The following HMGCL variants were observed in gnomAD, a reference collection of about 807,000 sequenced individuals.
HMGCL encodes hydroxymethylglutaryl-CoA lyase, mitochondrial.
HMGCL carries 26 observed loss-of-function variants against 37.3 expected under a neutral mutation model. That is an observed-to-expected ratio of 0.70 (90% CI 0.51 to 0.97). HMGCL has a LOEUF of 0.97. Among genes scored for constraint, HMGCL ranks in the 50% least tolerant of loss-of-function variants. The probability of loss-of-function intolerance (pLI) is 0.00; values close to 1 mark genes in which losing one functional copy is unlikely to be tolerated. For synonymous variants in HMGCL, 151 were observed against 148.0 expected (o/e 1.02, Z -0.15); for missense variants, 379 against 398.1 (o/e 0.95, Z 0.41).
intron 8 of HMGCL, 157 bp downstream of exon 8, chr1:23,804,243 T>G: frequency 8.4e-6 from 7 of 833,808 alleles, no homozygotes; most frequent in East Asian, 2.5e-5. Context: ...CCCAAAGTGC[T>G]GAGATTACAG....
chr1:23,819,401 T>C (rs150860052), intron 2 of HMGCL, among the ~76,000 whole-genome samples: 150 of 152,272 alleles, frequency 9.9e-4, no homozygotes, highest in African/African-American at 3.4e-3. Context: ...CCCATACATA[T>C]ATAAACTTTT....
intron 2 of HMGCL, among the ~76,000 whole-genome samples, chr1:23,818,051 A>G (rs1047007378): frequency 6.6e-6 from 1 of 152,190 alleles, no homozygotes; most frequent in Admixed American, 6.5e-5. Context: ...TCAAGCCACT[A>G]ATTCATCTTA....
intron 8 of HMGCL, chr1:23,804,149 C>T (rs938236563): frequency 2.0e-5 from 11 of 563,428 alleles, no homozygotes; most frequent in East Asian, 6.2e-5. Context: ...CTTGCTGTTT[C>T]ACCCAGGCTG....
intron 4 of HMGCL, 51 bp downstream of exon 4, chr1:23,816,624 A>G: frequency 9.3e-7 from 1 of 1,073,768 alleles, no homozygotes; most frequent in Non-Finnish European, 1.5e-6. Flanking sequence ...GGCAGGGACC[A>G]ATGCCATCAA....
intron 5 of HMGCL, among the ~76,000 whole-genome samples, chr1:23,813,154 T>G (rs1027289660): frequency 5.3e-5 from 8 of 150,664 alleles, no homozygotes; most frequent in Non-Finnish European, 8.9e-5. Context: ...CCTCCCAAAG[T>G]GCTGGGATTA....
intron 1 of HMGCL, among the ~76,000 whole-genome samples, chr1:23,820,859 C>G (rs994196600): frequency 1.3e-5 from 2 of 152,206 alleles, no homozygotes; most frequent in Non-Finnish European, 2.9e-5. Flanking sequence ...CCTGACAGCT[C>G]TATTCGCATC....
chr1:23,802,977 C>T (rs182702270), intron 8 of HMGCL, among the ~76,000 whole-genome samples: 87 of 152,314 alleles, frequency 5.7e-4, no homozygotes, highest in Admixed American at 1.5e-3. Context: ...TACAGTAGCT[C>T]ATATTTGCTG....
chr1:23,807,041 C>T (rs779433527), intron 7 of HMGCL: 1 of 518,994 alleles, frequency 1.9e-6, no homozygotes, highest in Non-Finnish European at 3.8e-6. Flanking sequence ...AACCTGTTCC[C>T]TGATAAATTT....
intron 6 of HMGCL, chr1:23,809,448 C>T (rs1383828389): frequency 1.3e-5 from 2 of 151,566 alleles, no homozygotes; most frequent in East Asian, 1.9e-4. Context: ...CCATGTTAGC[C>T]AGGATGGTCT....
chr1:23,822,264 C>G (rs1638735555), intron 1 of HMGCL, among the ~76,000 whole-genome samples: 1 of 152,140 alleles, frequency 6.6e-6, no homozygotes, highest in African/African-American at 2.4e-5. Context: ...CTGTTACAGT[C>G]ATAGGCTGGG....
In HMGCL at chr1:23,804,462, C is replaced by A. The variant is rs1638363983; in HGVS notation, c.814G>T (p.Ala272Ser). 6.2e-7 allele frequency: 1 copy of A among 1,614,012 alleles called. No homozygotes were observed. Among genetic ancestry groups the A allele is most frequent in the South Asian group, 1.1e-5 (1 of 91,078 alleles). The change falls in exon 8 of 9, where the codon GCA becomes TCA. Residue 272 changes from alanine to serine, a missense_variant. Ala to Ser is a moderately conservative substitution (Grantham distance 99). Transcript: ENST00000374490. Reference sequence around the variant, plus strand: ...TCTTCTGTGGCCAAGTTTCCTGATGCCCCCTGTGCGTAGGGACAGCCTCCA... The same window carrying A: ...TCTTCTGTGGCCAAGTTTCCTGATGACCCCTGTGCGTAGGGACAGCCTCCA... ...GLGGCPYAQG[A>S]SGNLATEDLV...
At chr1:23,820,292 G>A (rs1638688474) in intron 2 of HMGCL, among the ~76,000 whole-genome samples, 1 of 152,102 alleles carries the variant, frequency 6.6e-6, no homozygotes, top group African/African-American at 2.4e-5. Context: ...AGTAATTAGG[G>A]ATGACAGGCA....
chr1:23,804,391 T>C lies in HMGCL; in HGVS notation c.876+9A>G. The C allele has an allele frequency of 6.2e-7, 1 of 1,614,070 alleles. No homozygotes were observed. Among genetic ancestry groups the C allele is most frequent in the Non-Finnish European group, 8.5e-7 (1 of 1,180,028 alleles). ...GGGGCTGTCGCCACCAGGGGGTGGG[T>C]GGGCTTACCGTGTGAATGCCCAAGC... On this transcript the variant is annotated intron_variant, in intron 8 of 8. Coordinates refer to ENST00000374490, the MANE Select transcript of HMGCL (RefSeq NM_000191.3).
At chr1:23,816,423 A>G (rs996697758) in intron 4 of HMGCL, 1 of 548,114 alleles carries the variant, frequency 1.8e-6, no homozygotes. Flanking sequence ...TTGCTAAGCA[A>G]TGTACATGCA....
chr1:23,811,232 G>A (rs546343450), intron 5 of HMGCL, among the ~76,000 whole-genome samples: 1 of 152,312 alleles, frequency 6.6e-6, no homozygotes, highest in South Asian at 2.1e-4. Context: ...GTCAGTAACA[G>A]GCTGGGCTGG....
chr1:23,824,281 T>C (rs1473170876), intron 1 of HMGCL, among the ~76,000 whole-genome samples: 3 of 152,168 alleles, frequency 2.0e-5, no homozygotes, highest in African/African-American at 7.2e-5. Flanking sequence ...AAAATCACAA[T>C]TAGAAAGTGA....
intron 1 of HMGCL, among the ~76,000 whole-genome samples, chr1:23,823,273 G>A (rs767477033): frequency 2.3e-4 from 35 of 149,120 alleles, no homozygotes; most frequent in Non-Finnish European, 2.7e-4. Context: ...TTCCTTCCCC[G>A]TAACAGCTCT....
At position 23,825,427 on chromosome 1, in the gene HMGCL, AT is replaced by A. The variant is rs778499634; in HGVS notation, c.-13del. 6.4e-7 allele frequency: 1 copy of A among 1,552,758 alleles called. No homozygotes were observed. The highest frequency in any genetic ancestry group is 8.7e-7 in the Non-Finnish European group (1 of 1,148,438). On this transcript the variant is annotated 5_prime_UTR_variant, in exon 1 of 9. Transcript: ENST00000374490. ...CTCATTGCTGCCATCTTGGCCCAGAATCCCCCGCGGCAGTCCAGCTGGGCCC... is the reference window on the plus strand; with the variant it reads ...CTCATTGCTGCCATCTTGGCCCAGAACCCCCGCGGCAGTCCAGCTGGGCCC...
At chr1:23,805,962 T>C (rs1638401697) in intron 7 of HMGCL, among the ~76,000 whole-genome samples, 1 of 151,684 alleles carries the variant, frequency 6.6e-6, no homozygotes, top group Admixed American at 6.6e-5. Flanking sequence ...TTTTTTTTGA[T>C]AAGAAGTCTC....
Sources: allele counts gnomAD v4.1 joint callset (sites outside exome capture counted in the v4.1 genomes callset), GRCh38; gene constraint gnomAD v4.1.1; transcripts MANE v1.5; gene names NCBI Gene and HGNC (gene_info 2026-07-23, HGNC 2026-07-21).